The following NUMB variants were observed in gnomAD, a reference collection of about 807,000 sequenced individuals.
NUMB encodes NUMB endocytic adaptor protein.
Under a neutral mutation model 59.7 loss-of-function variants are expected in NUMB, and 29 were observed. That is an observed-to-expected ratio of 0.49 (90% CI 0.36 to 0.66). NUMB has a LOEUF of 0.66. Ranked by LOEUF, NUMB falls within the 30% of genes least tolerant of loss-of-function variation. The pLI is 0.00. For missense variants in NUMB, 723 were observed against 822.0 expected, an observed-to-expected ratio of 0.88 and a Z score of 1.47; for synonymous variants, 288 against 288.2, an observed-to-expected ratio of 1.00 and a Z score of 0.01.
At position 73,395,037 on chromosome 14, in the gene NUMB, T is replaced by TTATGTGTGTGTGTGTGTG. The variant is rs1230785169; in HGVS notation, c.-101+14899_-101+14900insCACACACACACACACATA. 1.2e-3 allele frequency among the ~76,000 whole-genome samples: 148 copies of TTATGTGTGTGTGTGTGTG among 120,002 alleles called. 5 individuals are homozygous for TTATGTGTGTGTGTGTGTG. Among genetic ancestry groups the TTATGTGTGTGTGTGTGTG allele is most frequent in the East Asian group, 7.6e-3 (29 of 3,814 alleles). The allele number at this position is 120,002 out of a possible 152,430, so 78.7% of individuals were successfully genotyped here. On this transcript the variant is annotated intron_variant, in intron 2 of 12. Transcript: ENST00000555238. ...TTAAGGTTGAATAGTATTCGTGTGT[T>TTATGTGTGTGTGTGTGTG]TGTGTGTGTGTGTGTGTGTGTGTGT...
At chr14:73,374,780 A>G (rs1287965585) in intron 2 of NUMB, among the ~76,000 whole-genome samples, 2 of 148,270 alleles carry the variant, frequency 1.3e-5, no homozygotes, top group Non-Finnish European at 3.0e-5. Context: ...CTGGAGTCCA[A>G]CATGATCTCA....
At chr14:73,399,347 T>C (rs1896296547) in intron 2 of NUMB, among the ~76,000 whole-genome samples, 1 of 152,156 alleles carries the variant, frequency 6.6e-6, no homozygotes, top group Non-Finnish European at 1.5e-5. Flanking sequence ...GCAGATCACC[T>C]GAGGTCCGGA....
chr14:73,284,302 G>T lies in NUMB; in HGVS notation c.728C>A (p.Thr243Asn), dbSNP rs1050477. 5 of 1,614,184 alleles carry T rather than the reference G, an allele frequency of 3.1e-6. No individual in the cohort carries two copies. The highest frequency in any genetic ancestry group is 4.2e-6 in the Non-Finnish European group (5 of 1,180,004). Residue 243 changes from threonine to asparagine, a missense_variant, in exon 10 of 13, where the codon ACC becomes AAC. Thr to Asn is a moderately conservative substitution (Grantham distance 65). This residue lies in a region of NUMB where 317 missense variants were observed against 436.6 expected (regional missense o/e 0.73). Coordinates refer to ENST00000555238, the MANE Select transcript of NUMB (RefSeq NM_001005743.2). ...GGTCGTGGCATCAGAAGTAGGAGAG[G>T]TGGGAGAGGATGGGGATGGGGCAGT... The part of the protein sequence containing the change: ...GNTAPSPSSP[T>N]SPTSDATTSL...
intron 4 of NUMB, among the ~76,000 whole-genome samples, chr14:73,330,276 C>T (rs1380212090): frequency 1.3e-5 from 2 of 152,164 alleles, no homozygotes; most frequent in Non-Finnish European, 2.9e-5. Context: ...AAGCATTCTG[C>T]CTGCCTTGGC....
chr14:73,334,955 A>AAAG, intron 4 of NUMB, among the ~76,000 whole-genome samples: 1 of 151,778 alleles, frequency 6.6e-6, no homozygotes, highest in East Asian at 1.9e-4. Context: ...GTCTCAAAAA[A>AAAG]AAAAAAAAAA....
rs780020454 is a variant in NUMB, at chr14:73,355,659, G to A, written c.93C>T (p.Gly31=). 1.1e-5 allele frequency: 18 copies of A among 1,613,390 alleles called. No homozygotes were observed. Among genetic ancestry groups the A allele is most frequent in the East Asian group, 8.9e-5 (4 of 44,848 alleles). The change falls in exon 4 of 13, where the codon GGC becomes GGT. Residue 31 remains glycine (G), a synonymous_variant. Coordinates refer to ENST00000555238, the MANE Select transcript of NUMB (RefSeq NM_001005743.2). ...RPHQWQTDEE[G]VRTGKCSFPV... is the part of the protein sequence containing the mutation. ...GGAAGCTACATTTTCCGGTGCGAAC[G>A]CCTTCTTCATCTGTCTGCCACTGAT... is the stretch of plus-strand genomic sequence containing the variant.
chr14:73,445,381 A>AAAAAAAAAAAC (rs1883414025), intron 1 of NUMB, among the ~76,000 whole-genome samples: 2 of 129,790 alleles, frequency 1.5e-5, no homozygotes, highest in Non-Finnish European at 3.3e-5. Flanking sequence ...AAAAAAAAAA[A>AAAAAAAAAAAC]AAAAAAAAAA....
At chr14:73,316,960 C>T (rs1891115016) in intron 5 of NUMB, among the ~76,000 whole-genome samples, 1 of 152,088 alleles carries the variant, frequency 6.6e-6, no homozygotes, top group African/African-American at 2.4e-5. Context: ...CATCAAAGGT[C>T]CTTGTCATAC....
chr14:73,351,706 G>A (rs1487117250), intron 4 of NUMB, among the ~76,000 whole-genome samples: 1 of 152,130 alleles, frequency 6.6e-6, no homozygotes, highest in African/African-American at 2.4e-5. Flanking sequence ...GCCAGGCGCG[G>A]TGGCTCACGC....
intron 6 of NUMB, among the ~76,000 whole-genome samples, chr14:73,314,114 C>T (rs1367089894): frequency 6.6e-6 from 1 of 152,116 alleles, no homozygotes; most frequent in African/African-American, 2.4e-5. Context: ...TAAATTACTA[C>T]TCTATAAAAA....
At chr14:73,333,975 C>G (rs1892143429) in intron 4 of NUMB, among the ~76,000 whole-genome samples, 1 of 152,088 alleles carries the variant, frequency 6.6e-6, no homozygotes, top group Admixed American at 6.6e-5. Flanking sequence ...GGCAATTCTC[C>G]TGCCTCAGCC....
At chr14:73,348,230 A>G (rs775015121) in intron 4 of NUMB, among the ~76,000 whole-genome samples, 3 of 152,198 alleles carry the variant, frequency 2.0e-5, no homozygotes, top group East Asian at 1.9e-4. Flanking sequence ...CTCCTATTGT[A>G]CTCTGGGAGT....
intron 1 of NUMB, among the ~76,000 whole-genome samples, chr14:73,430,491 G>A (rs182095319): frequency 4.3e-4 from 66 of 152,030 alleles, no homozygotes; most frequent in African/African-American, 1.5e-3. Flanking sequence ...TTAATTAGCC[G>A]GGTGTGGTGG....
chr14:73,440,687 C>T (rs1458736484), intron 1 of NUMB, among the ~76,000 whole-genome samples: 4 of 151,432 alleles, frequency 2.6e-5, no homozygotes, highest in East Asian at 1.9e-4. Context: ...AAAAATTAGC[C>T]GGGTGTGGTG....
At chr14:73,379,350 C>A (rs1895121530) in intron 2 of NUMB, among the ~76,000 whole-genome samples, 2 of 152,118 alleles carry the variant, frequency 1.3e-5, no homozygotes, top group African/African-American at 4.8e-5. Flanking sequence ...ATTCATTCAA[C>A]AAATTATGTA....
At chr14:73,453,000 C>A (rs1029607206) in intron 1 of NUMB, among the ~76,000 whole-genome samples, 5 of 152,206 alleles carry the variant, frequency 3.3e-5, no homozygotes, top group African/African-American at 1.2e-4. Context: ...ACTCATTCCT[C>A]TAGATACACT....
intron 7 of NUMB, 61 bp downstream of exon 7, chr14:73,297,148 CAA>C: frequency 8.9e-7 from 1 of 1,126,404 alleles, no homozygotes; most frequent in Admixed American, 1.8e-5. Flanking sequence ...GCCTGGGTGA[CAA>C]GAGTGAAACT....
chr14:73,347,827 C>T (rs1336089725), intron 4 of NUMB, among the ~76,000 whole-genome samples: 1 of 152,172 alleles, frequency 6.6e-6, no homozygotes, highest in African/African-American at 2.4e-5. Context: ...GCCATCTTCT[C>T]TCTTTCCCTA....
chr14:73,456,587 C>A (rs1469587948), intron 1 of NUMB, among the ~76,000 whole-genome samples: 1 of 152,158 alleles, frequency 6.6e-6, no homozygotes, highest in Non-Finnish European at 1.5e-5. Flanking sequence ...ATTTTCAATG[C>A]AGGTAAAAAC....
Sources: gnomAD v4.1 joint callset for allele counts (sites outside exome capture counted in the v4.1 genomes callset) on GRCh38, gnomAD v4.1.1 for gene constraint, gnomAD v4.1.1 regional missense constraint, MANE v1.5 for transcripts, NCBI Gene and HGNC (gene_info 2026-07-23, HGNC 2026-07-21) for gene names.